C1orf87: variants seen among roughly 807,000 people sequenced by gnomAD.
C1orf87 encodes the protein uncharacterized protein C1orf87.
Under a neutral mutation model 60.5 loss-of-function variants are expected in C1orf87, and 58 were observed. The ratio of observed to expected loss-of-function variants is 0.96; its 90% CI spans 0.78 to 1.19. C1orf87 has a LOEUF of 1.19. Ranked by LOEUF, C1orf87 falls within the 50% of genes most tolerant of loss-of-function variation. The pLI is 0.00. For missense variants in C1orf87, 673 were observed against 638.6 expected (o/e 1.05, Z -0.58); for synonymous variants, 236 against 227.4 (o/e 1.04, Z -0.34).
chr1:59,992,222 GTCTATTTA>G (rs1277512986), intron 11 of C1orf87, among the ~76,000 whole-genome samples: 1 of 129,946 alleles, frequency 7.7e-6, no homozygotes, highest in African/African-American at 3.1e-5. Flanking sequence ...TCAAGTAGGG[GTCTATTTA>G]TTTATTTATT....
intron 8 of C1orf87, among the ~76,000 whole-genome samples, chr1:60,011,591 C>G (rs749645291): frequency 3.3e-5 from 5 of 152,052 alleles, no homozygotes; most frequent in Admixed American, 2.6e-4. Context: ...GTTTCTGTTG[C>G]TAGCAACCAA....
intron 2 of C1orf87, among the ~76,000 whole-genome samples, chr1:60,056,047 C>A (rs1645453232): frequency 1.3e-5 from 2 of 152,028 alleles, no homozygotes; most frequent in Middle Eastern, 3.4e-3. Context: ...AGTTTGAGAC[C>A]AACCTGGCCA....
intron 5 of C1orf87, among the ~76,000 whole-genome samples, chr1:60,039,527 A>G (rs1219802600): frequency 6.6e-6 from 1 of 152,132 alleles, no homozygotes; most frequent in Non-Finnish European, 1.5e-5. Flanking sequence ...TCCCACTTCT[A>G]ACTCTCTAGG....
At chr1:60,026,535 A>G (rs1645199177) in intron 7 of C1orf87, among the ~76,000 whole-genome samples, 1 of 151,796 alleles carries the variant, frequency 6.6e-6, no homozygotes, top group Admixed American at 6.6e-5. Flanking sequence ...GAAATGGAAG[A>G]AGGAAGAAGA....
rs1278479865 is a variant in C1orf87, at chr1:60,039,853, C to A, written c.747+64G>T. ...AAGTAGCTAACTTCTTAGTCTTTTACCCTTGTGGGTACAAGTTAAGGAAAC... is the reference window on the plus strand; with the variant it reads ...AAGTAGCTAACTTCTTAGTCTTTTAACCTTGTGGGTACAAGTTAAGGAAAC... On this transcript the variant is annotated intron_variant, in intron 5 of 11. Coordinates refer to ENST00000371201, the MANE Select transcript of C1orf87 (RefSeq NM_152377.3). 4.6e-6 allele frequency: 7 copies of A among 1,519,618 alleles called. No individual in the cohort carries two copies. The East Asian group carries it at 1.6e-4, about 34-fold the overall frequency. 94.1% of individuals were successfully genotyped at this position (1,519,618 alleles called of 1,614,324 possible). A position where few individuals can be genotyped will look rare whatever the true frequency, so the allele number is the denominator to read the frequency against.
intron 8 of C1orf87, among the ~76,000 whole-genome samples, chr1:60,024,095 G>A (rs1645182594): frequency 6.6e-6 from 1 of 152,012 alleles, no homozygotes; most frequent in Non-Finnish European, 1.5e-5. Context: ...GTGTTGTTTA[G>A]GAATCTGCTT....
chr1:60,065,564 G>A (rs193082550), intron 2 of C1orf87, among the ~76,000 whole-genome samples: 2 of 152,052 alleles, frequency 1.3e-5, no homozygotes, highest in East Asian at 3.9e-4. Context: ...TGTCTATTAT[G>A]TGTTTCCCAT....
intron 2 of C1orf87, among the ~76,000 whole-genome samples, chr1:60,071,760 C>G (rs1464626758): frequency 1.3e-5 from 2 of 152,194 alleles, no homozygotes; most frequent in Non-Finnish European, 1.5e-5. Flanking sequence ...TTTCTTCTTG[C>G]ACCTATGTTC....
intron 2 of C1orf87, among the ~76,000 whole-genome samples, chr1:60,056,750 T>G (rs1174879425): frequency 6.6e-6 from 1 of 152,206 alleles, no homozygotes; most frequent in Admixed American, 6.5e-5. Flanking sequence ...CTAAATTTTC[T>G]ACATAGGAAA....
Position 59,997,673 on chromosome 1 carries a change from C to G in C1orf87, c.1416G>C (p.Glu472Asp). 1 of 1,613,976 alleles carries G rather than the reference C, an allele frequency of 6.2e-7. No homozygotes were observed. Among genetic ancestry groups the G allele is most frequent in the South Asian group, 1.1e-5 (1 of 91,082 alleles). ...GCTTCCTGAACCTGTCTATCCACGTCTCACATTCCTCAGCCTTGTTCTTCA... is the reference window on the plus strand; with the variant it reads ...GCTTCCTGAACCTGTCTATCCACGTGTCACATTCCTCAGCCTTGTTCTTCA... ...PAVKNKAEEC[E>D]TWIDRFRKLE... The change falls in exon 11 of 12, where the codon GAG becomes GAC. Residue 472 changes from glutamate to aspartate, a missense_variant. Coordinates refer to ENST00000371201, the MANE Select transcript of C1orf87 (RefSeq NM_152377.3).
intron 3 of C1orf87, among the ~76,000 whole-genome samples, chr1:60,047,927 A>G (rs1383828830): frequency 6.6e-6 from 1 of 152,102 alleles, no homozygotes; most frequent in Non-Finnish European, 1.5e-5. Context: ...AATCATTTAC[A>G]ATTGTTTCAT....
At chr1:59,994,041 G>A (rs1389928976) in intron 11 of C1orf87, among the ~76,000 whole-genome samples, 1 of 152,162 alleles carries the variant, frequency 6.6e-6, no homozygotes, top group African/African-American at 2.4e-5. Context: ...TTACAGGCGT[G>A]AGCCACTGCA....
chr1:60,033,457 G>C lies in C1orf87; in HGVS notation c.1029+19C>G. 1 of 1,609,394 alleles carries C rather than the reference G, an allele frequency of 6.2e-7. No homozygotes were observed. Among genetic ancestry groups the C allele is most frequent in the Non-Finnish European group, 8.5e-7 (1 of 1,177,436 alleles). Reference sequence around the variant, plus strand: ...GTGGCCTTTACAGAGGAACAAATCTGAAATTGAATTTTGGTTACCTTAGGT... The same window carrying C: ...GTGGCCTTTACAGAGGAACAAATCTCAAATTGAATTTTGGTTACCTTAGGT... On this transcript the variant is annotated intron_variant, in intron 7 of 11. Transcript: ENST00000371201.
At chr1:60,062,485 C>A (rs1374866064) in intron 2 of C1orf87, among the ~76,000 whole-genome samples, 1 of 152,138 alleles carries the variant, frequency 6.6e-6, no homozygotes, top group Non-Finnish European at 1.5e-5. Context: ...TTTCTCTAAA[C>A]ACCTGCCAGC....
chr1:60,052,370 ATTT>A (rs951252435), intron 3 of C1orf87, among the ~76,000 whole-genome samples: 4 of 152,220 alleles, frequency 2.6e-5, no homozygotes, highest in African/African-American at 9.6e-5. Context: ...ATAAAGCAGA[ATTT>A]GGAGGCAAAA....
chr1:60,064,101 G>T (rs1006102955), intron 2 of C1orf87, among the ~76,000 whole-genome samples: 1 of 151,568 alleles, frequency 6.6e-6, no homozygotes, highest in Admixed American at 6.6e-5. Context: ...TTTCTCCTGT[G>T]CTGGATGCTT....
rs576597427 is a variant in C1orf87, at chr1:60,040,962, C to T, written c.483+29G>A. ...ACAACACTCCTTCATCTACAATAGA[C>T]ACAACTCAACAACTCTTAGTATACA... On this transcript the variant is annotated intron_variant, in intron 4 of 11. Transcript: ENST00000371201. The T allele has an allele frequency of 2.6e-6, 4 of 1,564,298 alleles. No homozygotes were observed. The East Asian group carries it at 6.8e-5, about 27-fold the overall frequency.
At chr1:60,045,940 A>G (rs1353099025) in intron 3 of C1orf87, among the ~76,000 whole-genome samples, 8 of 152,216 alleles carry the variant, frequency 5.3e-5, no homozygotes, top group South Asian at 2.1e-4. Context: ...ATTCCTCGAT[A>G]TCTTCAAATG....
chr1:60,048,117 G>A (rs536331343), intron 3 of C1orf87, among the ~76,000 whole-genome samples: 8 of 152,214 alleles, frequency 5.3e-5, no homozygotes, highest in East Asian at 1.9e-4. Context: ...GTGATGGTAC[G>A]TCACTTCTGA....
Sources: allele counts gnomAD v4.1 joint callset (sites outside exome capture counted in the v4.1 genomes callset), GRCh38; gene constraint gnomAD v4.1.1; transcripts MANE v1.5; gene names NCBI Gene and HGNC (gene_info 2026-07-23, HGNC 2026-07-21).